Variants in RPL3L observed in about 807,000 individuals in gnomAD.
RPL3L encodes the protein ribosomal protein uL3-like.
RPL3L carries 44 observed loss-of-function variants against 44.5 expected under a neutral mutation model. The ratio of observed to expected loss-of-function variants is 0.99; its 90% CI spans 0.78 to 1.27. The LOEUF (loss-of-function observed/expected upper bound fraction) is 1.27, where lower values mean the gene tolerates loss of function less well. Among genes scored for constraint, RPL3L ranks in the 50% most tolerant of loss-of-function variants. The pLI is 0.00. For missense variants in RPL3L, 631 were observed against 569.1 expected, an observed-to-expected ratio of 1.11 and a Z score of -1.11; for synonymous variants, 292 against 230.7, an observed-to-expected ratio of 1.27 and a Z score of -2.41.
intron 7 of RPL3L, 110 bp from the exon 8 acceptor site, chr16:1,946,040 G>A (rs151024217): frequency 1.5e-5 from 13 of 875,116 alleles, no homozygotes; most frequent in African/African-American, 3.4e-5. Context: ...CAGGAGCCCC[G>A]TGCCCAGCCC....
Position 1,945,487 on chromosome 16 carries a change from C to CG in RPL3L, c.1167+11dup. 1 of 1,603,454 alleles carries CG rather than the reference C, an allele frequency of 6.2e-7. No homozygotes were observed. The highest frequency in any genetic ancestry group is 1.7e-5 in the Admixed American group (1 of 59,064). On this transcript the variant is annotated intron_variant, in intron 9 of 9. Coordinates refer to ENST00000268661, the MANE Select transcript of RPL3L (RefSeq NM_005061.3). Reference sequence around the variant, plus strand: ...CCCCAGAGAAGAACAAGGATGGGGGCGGTGAGCTCACCATGAAGGCCCTCT... The same window carrying CG: ...CCCCAGAGAAGAACAAGGATGGGGGCGGGTGAGCTCACCATGAAGGCCCTCT...
chr16:1,945,737 C>T lies in RPL3L; in HGVS notation c.1047+98G>A, dbSNP rs889527793. On this transcript the variant is annotated intron_variant, in intron 8 of 9. Coordinates refer to ENST00000268661, the MANE Select transcript of RPL3L (RefSeq NM_005061.3). ...TAGTTCCTACCAGAGCCCTCCCCTT[C>T]TGCTCCCACCACTCCATCCCGCTCG... 46 of 1,603,492 alleles carry T rather than the reference C, an allele frequency of 2.9e-5. No individual in the cohort carries two copies. The African/African-American group carries it at 5.2e-4, about 18-fold the overall frequency.
chr16:1,951,426 G>C (rs562509865), intron 3 of RPL3L, among the ~76,000 whole-genome samples: 1 of 151,986 alleles, frequency 6.6e-6, no homozygotes, highest in Admixed American at 6.6e-5. Flanking sequence ...TTCTCTCCCA[G>C]GCTGGAGTGC....
intron 9 of RPL3L, among the ~76,000 whole-genome samples, chr16:1,945,181 C>T (rs2083111195): frequency 6.6e-6 from 1 of 151,910 alleles, no homozygotes; most frequent in Non-Finnish European, 1.5e-5. Flanking sequence ...CGATGAAACC[C>T]CATCCCTACT....
chr16:1,949,472 C>T (rs1414313684), intron 4 of RPL3L, among the ~76,000 whole-genome samples: 2 of 150,206 alleles, frequency 1.3e-5, no homozygotes, highest in African/African-American at 2.5e-5. Context: ...AGGCTGGTCT[C>T]GAACTCCTGA....
chr16:1,950,837 G>T lies in RPL3L; in HGVS notation c.501+7C>A. On this transcript the variant is annotated splice_region_variant and intron_variant, in intron 4 of 9. Coordinates refer to ENST00000268661, the MANE Select transcript of RPL3L (RefSeq NM_005061.3). ...GACTGACCGACAGCGGAGGGCCGGGGGCTGACCTGAGTGTGGACAATGACC... is the reference window on the plus strand; with the variant it reads ...GACTGACCGACAGCGGAGGGCCGGGTGCTGACCTGAGTGTGGACAATGACC... 3.7e-6 allele frequency: 6 copies of T among 1,614,068 alleles called. No individual in the cohort carries two copies. The South Asian group carries it at 4.4e-5, about 12-fold the overall frequency.
At chr16:1,952,364 G>GT (rs1281978306) in intron 3 of RPL3L, among the ~76,000 whole-genome samples, 2 of 151,890 alleles carry the variant, frequency 1.3e-5, no homozygotes, top group South Asian at 4.1e-4. Context: ...TAGTACTCAT[G>GT]TTTTTTGTTT....
intron 4 of RPL3L, among the ~76,000 whole-genome samples, chr16:1,947,773 C>T (rs1464509319): frequency 6.6e-6 from 1 of 151,954 alleles, no homozygotes; most frequent in Non-Finnish European, 1.5e-5. Context: ...GCAGCAGGAC[C>T]CCGCATTTGC....
At position 1,945,370 on chromosome 16, in the gene RPL3L, T is replaced by TA. The variant is rs35978219; in HGVS notation, c.1167+128dup. The TA allele has an allele frequency of 6.3e-3, 4,623 of 729,734 alleles. 1 individual carries two copies. The highest frequency in any genetic ancestry group is 7.3e-3 in the Non-Finnish European group (3,819 of 526,440). 45.2% of individuals were successfully genotyped at this position (729,734 alleles called of 1,614,324 possible). ...ACTCCATCTCAAAAAATAAAATAAA[T>TA]AAAAAAAAAAGAGTCTCTCCTGCAG... On this transcript the variant is annotated intron_variant, in intron 9 of 9. Transcript: ENST00000268661.
Position 1,944,547 on chromosome 16 carries a change from A to G in RPL3L, c.*290T>C. 3.7e-6 allele frequency: 1 copy of G among 267,864 alleles called. No individual in the cohort carries two copies. The highest frequency in any genetic ancestry group is 7.1e-5 in the South Asian group (1 of 14,130). 16.6% of individuals were successfully genotyped at this position (267,864 alleles called of 1,614,324 possible). A position where few individuals can be genotyped will look rare whatever the true frequency, so the allele number is the denominator to read the frequency against. On this transcript the variant is annotated 3_prime_UTR_variant, in exon 10 of 10. Coordinates refer to ENST00000268661, the MANE Select transcript of RPL3L (RefSeq NM_005061.3). The stretch of plus-strand genomic sequence containing the variant: ...GCGACAAGATCAAGACTCTCTCAAA[A>G]AAAAAAAAAAAAAAAACCTCTGCTC...
At chr16:1,950,575 A>C (rs985108527) in intron 4 of RPL3L, among the ~76,000 whole-genome samples, 1 of 152,148 alleles carries the variant, frequency 6.6e-6, no homozygotes, top group Admixed American at 6.5e-5. Flanking sequence ...CACACAGCAC[A>C]CTTGGCTGGG....
chr16:1,953,046 G>A lies in RPL3L; in HGVS notation c.197-4C>T. The A allele has an allele frequency of 5.0e-6, 8 of 1,589,308 alleles. No individual in the cohort carries two copies. The highest frequency in any genetic ancestry group is 6.9e-6 in the Non-Finnish European group (8 of 1,167,698). On this transcript the variant is annotated splice_region_variant and splice_polypyrimidine_tract_variant and intron_variant, in intron 2 of 9. Coordinates refer to ENST00000268661, the MANE Select transcript of RPL3L (RefSeq NM_005061.3). Reference sequence around the variant, plus strand: ...ACCTCCTCCCGTTTGGAAATTTCTGGATGAGACACAGGGATGGGGCATGAA... The same window carrying A: ...ACCTCCTCCCGTTTGGAAATTTCTGAATGAGACACAGGGATGGGGCATGAA...
intron 6 of RPL3L, 31 bp downstream of exon 6, chr16:1,946,907 C>CA (rs775922991): frequency 3.8e-6 from 6 of 1,580,286 alleles, no homozygotes; most frequent in African/African-American, 1.3e-5. Flanking sequence ...TCCGACCACA[C>CA]AGTGTCCCCG....
chr16:1,954,178 C>G (rs370503627), intron 1 of RPL3L, 30 bp from the exon 2 acceptor site: 4 of 1,521,286 alleles, frequency 2.6e-6, no homozygotes, highest in Non-Finnish European at 3.5e-6. Flanking sequence ...GAGGTCAGAC[C>G]TGGGGTGTCC....
At chr16:1,951,503 C>G (rs1266713081) in intron 3 of RPL3L, among the ~76,000 whole-genome samples, 1 of 152,128 alleles carries the variant, frequency 6.6e-6, no homozygotes, top group Non-Finnish European at 1.5e-5. Flanking sequence ...CACCTCACCC[C>G]CCATGTAGCT....
In RPL3L at chr16:1,950,982, G is replaced by C. The variant is rs753985680; in HGVS notation, c.366-3C>G. 6.2e-7 allele frequency: 1 copy of C among 1,613,608 alleles called. No individual in the cohort carries two copies. Among genetic ancestry groups the C allele is most frequent in the Non-Finnish European group, 8.5e-7 (1 of 1,179,910 alleles). ...AGGCTTTCTTCTTGCTCTTGTGCCT[G>C]AGCCATGCACAGGAGGGTGCTCAGA... is the stretch of plus-strand genomic sequence containing the variant. On this transcript the variant is annotated splice_region_variant and splice_polypyrimidine_tract_variant and intron_variant, in intron 3 of 9. Coordinates refer to ENST00000268661, the MANE Select transcript of RPL3L (RefSeq NM_005061.3).
Position 1,945,496 on chromosome 16 carries a change from C to T in RPL3L, c.1167+3G>A. The T allele has an allele frequency of 1.9e-6, 3 of 1,609,762 alleles. No individual in the cohort carries two copies. In the Admixed American group the frequency reaches 5.0e-5, roughly 27 times the overall value. On this transcript the variant is annotated splice_donor_region_variant and intron_variant, in intron 9 of 9. Transcript: ENST00000268661. ...AGAACAAGGATGGGGGCGGTGAGCT[C>T]ACCATGAAGGCCCTCTTCTCTTGGG... is the stretch of plus-strand genomic sequence containing the variant.
At chr16:1,945,290 G>A (rs1316531237) in intron 9 of RPL3L, among the ~76,000 whole-genome samples, 1 of 151,584 alleles carries the variant, frequency 6.6e-6, no homozygotes, top group Non-Finnish European at 1.5e-5. Flanking sequence ...AGGAGGTGGA[G>A]GTGGCAGTGA....
intron 2 of RPL3L, among the ~76,000 whole-genome samples, 198 bp downstream of exon 2, chr16:1,953,758 C>A (rs1328945895): frequency 6.6e-6 from 1 of 152,216 alleles, no homozygotes; most frequent in Non-Finnish European, 1.5e-5. Context: ...GCCTCAATGT[C>A]CTCATCTGCG....
Sources: gnomAD v4.1 joint callset for allele counts (sites outside exome capture counted in the v4.1 genomes callset) on GRCh38, gnomAD v4.1.1 for gene constraint, MANE v1.5 for transcripts, NCBI Gene and HGNC (gene_info 2026-07-23, HGNC 2026-07-21) for gene names.